LRMDA: variants seen among roughly 807,000 people sequenced by gnomAD.
LRMDA encodes leucine-rich melanocyte differentiation-associated protein.
Under a neutral mutation model 29.8 loss-of-function variants are expected in LRMDA, and 18 were observed. The ratio of observed to expected loss-of-function variants is 0.60; its 90% CI spans 0.42 to 0.90. The LOEUF (loss-of-function observed/expected upper bound fraction) is 0.90. Ranked by LOEUF, LRMDA falls within the 40% of genes least tolerant of loss-of-function variation. LRMDA has a pLI of 0.00. For synonymous variants in LRMDA, 125 were observed against 109.4 expected, an observed-to-expected ratio of 1.14 and a Z score of -0.89; for missense variants, 273 against 273.9, an observed-to-expected ratio of 1.00 and a Z score of 0.02.
intron 5 of LRMDA, among the ~76,000 whole-genome samples, chr10:76,074,417 AGCTATTAAG>A (rs925978381): frequency 3.9e-5 from 6 of 152,142 alleles, no homozygotes; most frequent in Non-Finnish European, 8.8e-5. Flanking sequence ...TTCACAGCAG[AGCTATTAAG>A]GCTAATTATT....
chr10:75,841,594 G>A (rs1694510474), intron 2 of LRMDA, among the ~76,000 whole-genome samples: 1 of 152,082 alleles, frequency 6.6e-6, no homozygotes, highest in African/African-American at 2.4e-5. Flanking sequence ...AGACTTACCT[G>A]TGAATGAGGT....
At chr10:76,473,909 C>T (rs1253809951) in intron 6 of LRMDA, among the ~76,000 whole-genome samples, 1 of 151,578 alleles carries the variant, frequency 6.6e-6, no homozygotes, top group Non-Finnish European at 1.5e-5. Context: ...ACTCCACCCA[C>T]ATTTGATCTA....
chr10:76,347,785 G>A (rs1313629393), intron 6 of LRMDA, among the ~76,000 whole-genome samples: 1 of 151,992 alleles, frequency 6.6e-6, no homozygotes, highest in Non-Finnish European at 1.5e-5. Context: ...TGCAATTTAA[G>A]AAAAAATTAA....
intron 5 of LRMDA, among the ~76,000 whole-genome samples, chr10:76,069,904 A>G (rs138754870): frequency 4.6e-5 from 7 of 152,214 alleles, no homozygotes; most frequent in Admixed American, 1.3e-4. Flanking sequence ...GTTGAGTTCC[A>G]TGGAAAACCT....
At chr10:75,551,816 A>T (rs1167031313) in intron 2 of LRMDA, among the ~76,000 whole-genome samples, 1 of 152,088 alleles carries the variant, frequency 6.6e-6, no homozygotes, top group African/African-American at 2.4e-5. Context: ...AGGTGAGAGG[A>T]TCGCTTGAGG....
intron 6 of LRMDA, among the ~76,000 whole-genome samples, chr10:76,376,739 T>C (rs919450875): frequency 6.6e-6 from 1 of 152,156 alleles, no homozygotes; most frequent in Non-Finnish European, 1.5e-5. Context: ...CTGTTGTATT[T>C]TGACTTTTTA....
rs149557949 is a variant in LRMDA at position 75,693,693 on chromosome 10, C to T, written c.131+255199C>T. ...CAAAAATTGATATAATGACTTAATG[C>T]GCCTTATTCTCTTTGAGCTACATCA... On this transcript the variant is annotated intron_variant, in intron 2 of 6. Coordinates refer to ENST00000611255, the MANE Select transcript of LRMDA (RefSeq NM_001305581.2). Among the ~76,000 whole-genome samples, 12 of 152,212 alleles carry T rather than the reference C, an allele frequency of 7.9e-5. No individual in the cohort carries two copies. In the East Asian group the frequency reaches 2.1e-3, roughly 27 times the overall value.
rs541531548 is a variant in LRMDA at position 75,441,140 on chromosome 10, A to G, written c.131+2646A>G. ...AAACTTACCTTCCAAATGAGTGGGG[A>G]TGGAGTGGATGACCCAAGCTCTCTA... On this transcript the variant is annotated intron_variant, in intron 2 of 6. Coordinates refer to ENST00000611255, the MANE Select transcript of LRMDA (RefSeq NM_001305581.2). Among the ~76,000 whole-genome samples, 4 of 152,328 alleles carry G rather than the reference A, an allele frequency of 2.6e-5. No homozygotes were observed. In the South Asian group the frequency reaches 8.3e-4, roughly 32 times the overall value.
chr10:75,532,381 C>A (rs1006967748), intron 2 of LRMDA, among the ~76,000 whole-genome samples: 30 of 152,126 alleles, frequency 2.0e-4, no homozygotes, highest in Admixed American at 1.7e-3. Context: ...TATCTTTGAG[C>A]ATTTGGGGTT....
intron 2 of LRMDA, among the ~76,000 whole-genome samples, chr10:75,560,088 A>T (rs1840271053): frequency 6.6e-6 from 1 of 151,604 alleles, no homozygotes; most frequent in African/African-American, 2.4e-5. Flanking sequence ...TGGTAGCTTT[A>T]TGTGGATGGC....
chr10:76,263,415 T>C (rs1372051361), intron 5 of LRMDA, among the ~76,000 whole-genome samples: 1 of 151,894 alleles, frequency 6.6e-6, no homozygotes, highest in Non-Finnish European at 1.5e-5. Flanking sequence ...AAAAATGGAG[T>C]TGATGTGCTA....
intron 5 of LRMDA, among the ~76,000 whole-genome samples, chr10:76,108,585 G>C (rs891327446): frequency 6.6e-6 from 1 of 151,986 alleles, no homozygotes; most frequent in Non-Finnish European, 1.5e-5. Flanking sequence ...GTTTTTCTCT[G>C]GTTATTGCAA....
chr10:75,956,729 G>C (rs902553116), intron 2 of LRMDA, among the ~76,000 whole-genome samples: 1 of 152,198 alleles, frequency 6.6e-6, no homozygotes, highest in Admixed American at 6.5e-5. Flanking sequence ...CATTTGTGCT[G>C]TATTTCATGG....
chr10:76,207,121 T>C (rs1851550943), intron 5 of LRMDA, among the ~76,000 whole-genome samples: 1 of 152,188 alleles, frequency 6.6e-6, no homozygotes, highest in Non-Finnish European at 1.5e-5. Context: ...GAAATGCTAC[T>C]CTGTGCCACA....
intron 2 of LRMDA, among the ~76,000 whole-genome samples, chr10:75,903,327 C>T (rs564805908): frequency 6.6e-6 from 1 of 152,310 alleles, no homozygotes; most frequent in South Asian, 2.1e-4. Flanking sequence ...GGAAGCACAT[C>T]AGACTGTGTT....
intron 5 of LRMDA, among the ~76,000 whole-genome samples, chr10:76,184,258 T>C (rs148935647): frequency 0.021 from 3,203 of 152,040 alleles, 91 homozygotes; most frequent in African/African-American, 0.069. Context: ...TTCGAGCTCC[T>C]GACCTCAAGT....
intron 6 of LRMDA, among the ~76,000 whole-genome samples, chr10:76,446,594 T>C (rs1463283327): frequency 6.6e-6 from 1 of 152,218 alleles, no homozygotes; most frequent in Non-Finnish European, 1.5e-5. Context: ...GTTTTATTAA[T>C]GAAGTTAAGC....
chr10:75,512,652 C>A (rs1327613547), intron 2 of LRMDA, among the ~76,000 whole-genome samples: 1 of 152,144 alleles, frequency 6.6e-6, no homozygotes, highest in East Asian at 1.9e-4. Context: ...TGGTTTGGGT[C>A]GGAGTTCCCA....
chr10:75,566,405 T>C (rs61862496), intron 2 of LRMDA, among the ~76,000 whole-genome samples: 10,554 of 152,302 alleles, frequency 0.069, 498 homozygotes, highest in Non-Finnish European at 0.11. Flanking sequence ...TGCTGAATCA[T>C]GGGCCCCACC....
Sources: allele counts gnomAD v4.1 joint callset (sites outside exome capture counted in the v4.1 genomes callset), GRCh38; gene constraint gnomAD v4.1.1; transcripts MANE v1.5; gene names NCBI Gene and HGNC (gene_info 2026-07-23, HGNC 2026-07-21).